Variants in GNAO1 observed in about 807,000 individuals in gnomAD.
GNAO1 encodes guanine nucleotide-binding protein G(o) subunit alpha.
For synonymous variants in GNAO1, 164 were observed against 180.7 expected (o/e 0.91, Z 0.74); for missense variants, 166 against 478.7 (o/e 0.35, Z 6.10).
intron 3 of GNAO1, among the ~76,000 whole-genome samples, chr16:56,323,452 A>G (rs769264952): frequency 2.8e-4 from 43 of 152,162 alleles, no homozygotes; most frequent in Admixed American, 1.4e-3. Flanking sequence ...CTATTCCACT[A>G]TCCCTAGGGT....
At chr16:56,203,491 A>G (rs560532964) in intron 2 of GNAO1, among the ~76,000 whole-genome samples, 2 of 152,072 alleles carry the variant, frequency 1.3e-5, no homozygotes, top group African/African-American at 2.4e-5. Flanking sequence ...CCACATCTCA[A>G]TTGCCCTCTG....
chr16:56,251,339 G>A (rs189711392), intron 2 of GNAO1, among the ~76,000 whole-genome samples: 5 of 152,276 alleles, frequency 3.3e-5, no homozygotes, highest in African/African-American at 1.2e-4. Flanking sequence ...CTGCATATTC[G>A]AGGAGAGAAG....
chr16:56,322,262 G>A (rs2037580540), intron 3 of GNAO1, among the ~76,000 whole-genome samples: 1 of 152,218 alleles, frequency 6.6e-6, no homozygotes, highest in South Asian at 2.1e-4. Context: ...AGTCTGCCCA[G>A]AGAACATGCA....
chr16:56,310,205 G>A (rs973625140), intron 3 of GNAO1, among the ~76,000 whole-genome samples: 13 of 152,162 alleles, frequency 8.5e-5, no homozygotes, highest in Non-Finnish European at 1.0e-4. Flanking sequence ...GTGTGCTCCC[G>A]TAGTCCTAGG....
At chr16:56,346,238 A>G (rs2037867825) in intron 6 of GNAO1, 2 of 985,300 alleles carry the variant, frequency 2.0e-6, no homozygotes, top group Non-Finnish European at 2.4e-6. Context: ...CAGCGGCTCC[A>G]TCTTGTGGGG....
intron 3 of GNAO1, among the ~76,000 whole-genome samples, chr16:56,310,703 G>A (rs946527932): frequency 5.3e-5 from 8 of 152,130 alleles, no homozygotes; most frequent in African/African-American, 1.9e-4. Context: ...AGGAGAAGAA[G>A]GACAATGGCA....
chr16:56,195,323 C>T (rs1379246464), intron 2 of GNAO1, among the ~76,000 whole-genome samples: 1 of 152,218 alleles, frequency 6.6e-6, no homozygotes, highest in Non-Finnish European at 1.5e-5. Context: ...AGCCTTCCAG[C>T]TTGGCTTGAA....
intron 3 of GNAO1, among the ~76,000 whole-genome samples, chr16:56,322,743 T>C (rs1567483115): frequency 6.6e-6 from 1 of 152,130 alleles, no homozygotes; most frequent in African/African-American, 2.4e-5. Flanking sequence ...TTACTGGCGA[T>C]GTGATCTTTA....
chr16:56,331,483 C>T (rs2037687931), intron 4 of GNAO1, among the ~76,000 whole-genome samples: 4 of 152,176 alleles, frequency 2.6e-5, no homozygotes. Flanking sequence ...GCTCATAGCC[C>T]AGTCCTATCC....
At chr16:56,274,105 A>C (rs2037040990) in intron 2 of GNAO1, among the ~76,000 whole-genome samples, 1 of 152,150 alleles carries the variant, frequency 6.6e-6, no homozygotes, top group Non-Finnish European at 1.5e-5. Flanking sequence ...AGCTCAGTGA[A>C]ATGGCTGTGT....
chr16:56,317,760 G>A (rs543003079), intron 3 of GNAO1, among the ~76,000 whole-genome samples: 27 of 152,206 alleles, frequency 1.8e-4, no homozygotes, highest in Middle Eastern at 3.4e-3. Flanking sequence ...AGAAGAGAGT[G>A]GGAGGATCAT....
chr16:56,250,556 A>G (rs981360840), intron 2 of GNAO1, among the ~76,000 whole-genome samples: 7 of 152,208 alleles, frequency 4.6e-5, no homozygotes, highest in Non-Finnish European at 1.0e-4. Context: ...CCTGAGTATC[A>G]GTCATCCTGC....
At chr16:56,271,772 A>G (rs1158223948) in intron 2 of GNAO1, among the ~76,000 whole-genome samples, 5 of 152,290 alleles carry the variant, frequency 3.3e-5, no homozygotes, top group African/African-American at 4.8e-5. Context: ...AATAGCTACC[A>G]TTTGTTTTAT....
intron 3 of GNAO1, among the ~76,000 whole-genome samples, chr16:56,319,747 A>T (rs2037553225): frequency 6.6e-6 from 1 of 152,092 alleles, no homozygotes; most frequent in Non-Finnish European, 1.5e-5. Flanking sequence ...CCTGCTCCCC[A>T]GCAACAGCCC....
At chr16:56,218,011 A>T (rs2036451196) in intron 2 of GNAO1, among the ~76,000 whole-genome samples, 1 of 152,244 alleles carries the variant, frequency 6.6e-6, no homozygotes, top group South Asian at 2.1e-4. Context: ...GGCAAGGAAG[A>T]TGCCAAACAA....
chr16:56,232,869 C>T (rs2036603662), intron 2 of GNAO1, among the ~76,000 whole-genome samples: 1 of 152,324 alleles, frequency 6.6e-6, no homozygotes, highest in East Asian at 1.9e-4. Flanking sequence ...ATCTCTTCTT[C>T]TTTATATCCT....
At chr16:56,274,254 A>T (rs2037042347) in intron 2 of GNAO1, among the ~76,000 whole-genome samples, 3 of 152,174 alleles carry the variant, frequency 2.0e-5, no homozygotes, top group Admixed American at 2.0e-4. Flanking sequence ...GTGTTTGAAG[A>T]TGCTTGTTTC....
rs533312504 is a variant in GNAO1 at position 56,227,522 on chromosome 16, G to A, written c.161+34906G>A. Among the ~76,000 whole-genome samples the A allele has an allele frequency of 3.3e-5, 5 of 152,000 alleles. No individual in the cohort carries two copies. In the East Asian group the frequency reaches 5.8e-4, roughly 18 times the overall value. On this transcript the variant is annotated intron_variant, in intron 2 of 8. Coordinates refer to ENST00000262493, the MANE Select transcript of GNAO1 (RefSeq NM_020988.3). Reference sequence around the variant, plus strand: ...ACCTAAGACATCACTGTGCTTCAACGGTAAGAGCTGTGGTCTTTGGCCAGG... The same window carrying A: ...ACCTAAGACATCACTGTGCTTCAACAGTAAGAGCTGTGGTCTTTGGCCAGG...
In GNAO1 at chr16:56,197,841, C is replaced by T. The variant is rs553603538; in HGVS notation, c.161+5225C>T. ...TCAGCTGCTCACAATACCCTATCTC[C>T]GTTAACACTGGAGATTTAATATGAG... On this transcript the variant is annotated intron_variant, in intron 2 of 8. Transcript: ENST00000262493. Among the ~76,000 whole-genome samples, 12 of 152,238 alleles carry T rather than the reference C, an allele frequency of 7.9e-5. No individual in the cohort carries two copies. In the East Asian group the frequency reaches 1.2e-3, roughly 15 times the overall value.
Sources: allele counts gnomAD v4.1 joint callset (sites outside exome capture counted in the v4.1 genomes callset), GRCh38; gene constraint gnomAD v4.1.1; transcripts MANE v1.5; gene names NCBI Gene and HGNC (gene_info 2026-07-23, HGNC 2026-07-21).